The following BTBD9 variants were observed in gnomAD, a reference collection of about 807,000 sequenced individuals.
BTBD9 encodes BTB domain containing 9, also known as BTB/POZ domain-containing protein 9.
In BTBD9, 49 loss-of-function variants were observed where a neutral mutation model predicts 64.3. The ratio of observed to expected loss-of-function variants is 0.76; its 90% CI spans 0.61 to 0.97. BTBD9 has a LOEUF of 0.97. BTBD9 is among the 50% of genes least tolerant of loss of function. The pLI, the probability that BTBD9 is intolerant of heterozygous loss-of-function variation, is 0.00. For missense variants in BTBD9, 598 were observed against 762.1 expected (o/e 0.78, Z 2.53); for synonymous variants, 260 against 274.7 (o/e 0.95, Z 0.53).
At chr6:38,427,483 C>G (rs988810144) in intron 6 of BTBD9, among the ~76,000 whole-genome samples, 1 of 151,924 alleles carries the variant, frequency 6.6e-6, no homozygotes, top group Non-Finnish European at 1.5e-5. Context: ...CACCAGGGAG[C>G]TGGAGCAACC....
At chr6:38,447,276 C>T (rs955238020) in intron 6 of BTBD9, among the ~76,000 whole-genome samples, 3 of 152,158 alleles carry the variant, frequency 2.0e-5, no homozygotes, top group Non-Finnish European at 4.4e-5. Context: ...GAATTTGGGT[C>T]ACTGTATATA....
intron 9 of BTBD9, among the ~76,000 whole-genome samples, chr6:38,221,158 A>G (rs1763184426): frequency 6.6e-6 from 1 of 152,170 alleles, no homozygotes; most frequent in Admixed American, 6.5e-5. Context: ...TGTGCAGGTA[A>G]CACAATATTT....
intron 6 of BTBD9, among the ~76,000 whole-genome samples, chr6:38,510,762 T>C (rs953760113): frequency 6.6e-6 from 1 of 152,152 alleles, no homozygotes; most frequent in Admixed American, 6.5e-5. Flanking sequence ...AGCCTAGGCC[T>C]ACACTGGGTT....
intron 6 of BTBD9, chr6:38,571,817 G>A (rs1224000601): frequency 6.6e-6 from 1 of 152,216 alleles, no homozygotes; most frequent in African/African-American, 2.4e-5. Flanking sequence ...AAAACTAGCT[G>A]AGTGTGGTGA....
chr6:38,619,378 C>T (rs1777909104), intron 1 of BTBD9, among the ~76,000 whole-genome samples: 1 of 152,144 alleles, frequency 6.6e-6, no homozygotes, highest in African/African-American at 2.4e-5. Flanking sequence ...GACAAACAAG[C>T]CTTGGTGGTT....
intron 7 of BTBD9, among the ~76,000 whole-genome samples, chr6:38,316,842 A>C (rs1023919739): frequency 6.6e-6 from 1 of 152,188 alleles, no homozygotes; most frequent in Non-Finnish European, 1.5e-5. Flanking sequence ...TTCGGACCAA[A>C]GAACTCCCTT....
At chr6:38,550,617 CT>C (rs887718082) in intron 6 of BTBD9, among the ~76,000 whole-genome samples, 4 of 151,916 alleles carry the variant, frequency 2.6e-5, no homozygotes, top group Non-Finnish European at 4.4e-5. Flanking sequence ...TGCCCAGCCT[CT>C]TTTTTTTCTT....
chr6:38,262,502 G>A (rs920404899), intron 8 of BTBD9, among the ~76,000 whole-genome samples: 1 of 150,948 alleles, frequency 6.6e-6, no homozygotes, highest in Admixed American at 6.6e-5. Flanking sequence ...TAGCAGATGT[G>A]ATTTTGCTTA....
chr6:38,263,145 C>A (rs912521955), intron 8 of BTBD9, among the ~76,000 whole-genome samples: 2 of 152,208 alleles, frequency 1.3e-5, no homozygotes, highest in African/African-American at 2.4e-5. Context: ...CTCCTGATCT[C>A]AAAAATGTAT....
intron 6 of BTBD9, among the ~76,000 whole-genome samples, chr6:38,374,750 C>A (rs767246724): frequency 1.3e-5 from 2 of 152,126 alleles, no homozygotes; most frequent in Non-Finnish European, 2.9e-5. Flanking sequence ...GAAATCAATA[C>A]CTTTTATGTG....
At chr6:38,342,045 G>T (rs1247294939) in intron 7 of BTBD9, among the ~76,000 whole-genome samples, 1 of 151,900 alleles carries the variant, frequency 6.6e-6, no homozygotes, top group African/African-American at 2.4e-5. Context: ...TCATATAGTG[G>T]GTGTGCTTAA....
intron 9 of BTBD9, among the ~76,000 whole-genome samples, chr6:38,253,301 G>A (rs545416779): frequency 2.0e-5 from 3 of 152,296 alleles, no homozygotes; most frequent in East Asian, 1.9e-4. Flanking sequence ...GGCAGAAGGC[G>A]AAGGTTAGGC....
chr6:38,629,956 C>T (rs140058910), intron 1 of BTBD9, among the ~76,000 whole-genome samples: 2,652 of 152,106 alleles, frequency 0.017, 59 homozygotes, highest in African/African-American at 0.057. Context: ...GCCTGTAATA[C>T]CAACACTTTG....
rs371338936 is a variant in BTBD9, at chr6:38,593,487, T to C, written c.549+477A>G. Among the ~76,000 whole-genome samples, 29 of 152,292 alleles carry C rather than the reference T, an allele frequency of 1.9e-4. 1 individual carries two copies. Among genetic ancestry groups the C allele is most frequent in the Admixed American group, 8.5e-4 (13 of 15,292 alleles). ...CACTACCCAGAGTTCAAAGGAAGAT[T>C]TGAGCAAAACAGTTTTACTCTAGCT... On this transcript the variant is annotated intron_variant, in intron 3 of 10. Transcript: ENST00000481247.
At chr6:38,190,263 C>T (rs538237352) in intron 10 of BTBD9, among the ~76,000 whole-genome samples, 164 of 151,602 alleles carry the variant, frequency 1.1e-3, no homozygotes, top group African/African-American at 3.8e-3. Flanking sequence ...GTCAGGAGTT[C>T]GAGACCAGGC....
intron 7 of BTBD9, among the ~76,000 whole-genome samples, chr6:38,306,783 G>A (rs985172616): frequency 6.6e-6 from 1 of 152,178 alleles, no homozygotes; most frequent in Non-Finnish European, 1.5e-5. Flanking sequence ...CTTTTGAGAG[G>A]TGGAGGAAAA....
chr6:38,297,548 T>C (rs1762203471), intron 7 of BTBD9, among the ~76,000 whole-genome samples: 1 of 152,186 alleles, frequency 6.6e-6, no homozygotes, highest in African/African-American at 2.4e-5. Flanking sequence ...TTCTTAACAA[T>C]GTTTTTGCCC....
At position 38,332,570 on chromosome 6, in the gene BTBD9, T is replaced by C. The variant is rs1043425428; in HGVS notation, c.1264+12414A>G. ...CACTAATTTTAACACCTGCTGGGAATAGACCCCTCATTCATTTTTTATTTT... is the reference window on the plus strand; with the variant it reads ...CACTAATTTTAACACCTGCTGGGAACAGACCCCTCATTCATTTTTTATTTT... On this transcript the variant is annotated intron_variant, in intron 7 of 10. Transcript: ENST00000481247. Among the ~76,000 whole-genome samples, 6 of 152,330 alleles carry C rather than the reference T, an allele frequency of 3.9e-5. No homozygotes were observed. The South Asian group carries it at 6.2e-4, about 16-fold the overall frequency.
At chr6:38,240,705 C>A (rs1466515431) in intron 9 of BTBD9, among the ~76,000 whole-genome samples, 1 of 152,060 alleles carries the variant, frequency 6.6e-6, no homozygotes, top group African/African-American at 2.4e-5. Flanking sequence ...AATGTGAAGG[C>A]ATAAATTTGA....
Sources: allele counts gnomAD v4.1 joint callset (sites outside exome capture counted in the v4.1 genomes callset), GRCh38; gene constraint gnomAD v4.1.1; transcripts MANE v1.5; gene names NCBI Gene and HGNC (gene_info 2026-07-23, HGNC 2026-07-21).